DDX4: variants seen among roughly 807,000 people sequenced by gnomAD.
DDX4 encodes DEAD-box helicase 4.
DDX4 carries 25 observed loss-of-function variants against 100.0 expected under a neutral mutation model. The observed-to-expected ratio is 0.25, with a 90% CI of 0.18 to 0.35. The LOEUF is 0.35. Ranked by LOEUF, DDX4 falls within the 10% of genes least tolerant of loss-of-function variation. The probability of loss-of-function intolerance (pLI) is 1.00; values close to 1 mark genes in which losing one functional copy is unlikely to be tolerated. For missense variants in DDX4, 635 were observed against 882.4 expected (o/e 0.72, Z 3.55); for synonymous variants, 259 against 275.7 (o/e 0.94, Z 0.60).
At position 55,817,005 on chromosome 5, in the gene DDX4, A is replaced by T. The variant is rs2112217952; in HGVS notation, c.*465A>T. 1 of 152,954 alleles carries T rather than the reference A, an allele frequency of 6.5e-6. No individual in the cohort carries two copies. Among genetic ancestry groups the T allele is most frequent in the South Asian group, 2.1e-4 (1 of 4,842 alleles). The allele number at this position is 152,954 out of a possible 1,614,324, so 9.5% of individuals were successfully genotyped here. ...TAGAATACTTAAGCCTTTCAAAGTG[A>T]TTTTGATTTTTAGATCATCAGATGT... On this transcript the variant is annotated 3_prime_UTR_variant, in exon 22 of 22. Coordinates refer to ENST00000505374, the MANE Select transcript of DDX4 (RefSeq NM_024415.3).
At chr5:55,792,050 G>T (rs1742598546) in intron 16 of DDX4, among the ~76,000 whole-genome samples, 1 of 148,832 alleles carries the variant, frequency 6.7e-6, no homozygotes, top group Non-Finnish European at 1.5e-5. Context: ...CTTGAACCCA[G>T]GAGGCAGAGG....
chr5:55,778,725 C>T (rs1741718835), intron 7 of DDX4, among the ~76,000 whole-genome samples: 1 of 152,124 alleles, frequency 6.6e-6, no homozygotes, highest in Non-Finnish European at 1.5e-5. Context: ...GAAACCCCGT[C>T]TCTACTGAAA....
At chr5:55,793,459 T>C (rs1742721322) in intron 17 of DDX4, among the ~76,000 whole-genome samples, 1 of 152,216 alleles carries the variant, frequency 6.6e-6, no homozygotes, top group Non-Finnish European at 1.5e-5. Flanking sequence ...TTAAGATATT[T>C]TGGACTTAAA....
chr5:55,780,990 A>AT (rs1741878533), intron 8 of DDX4, 76 bp from the exon 9 acceptor site: 6 of 1,347,104 alleles, frequency 4.5e-6, no homozygotes, highest in Non-Finnish European at 5.1e-6. Context: ...CCATAACTTG[A>AT]TTTTTTTCTG....
intron 17 of DDX4, among the ~76,000 whole-genome samples, chr5:55,794,907 T>C (rs1158780803): frequency 6.6e-6 from 1 of 152,076 alleles, no homozygotes; most frequent in Non-Finnish European, 1.5e-5. Context: ...TACTTATACC[T>C]GTAACTCTCC....
intron 15 of DDX4, among the ~76,000 whole-genome samples, chr5:55,789,622 A>C (rs891209148): frequency 8.5e-5 from 13 of 152,242 alleles, no homozygotes; most frequent in African/African-American, 3.1e-4. Flanking sequence ...GACCCCACTC[A>C]GGAGTGGCTA....
chr5:55,810,914 T>G (rs1008181932), intron 18 of DDX4, among the ~76,000 whole-genome samples: 1 of 152,188 alleles, frequency 6.6e-6, no homozygotes, highest in Non-Finnish European at 1.5e-5. Context: ...ACAAAACATT[T>G]AGAAGTAAAC....
chr5:55,758,352 A>G (rs997759886), intron 3 of DDX4, among the ~76,000 whole-genome samples: 3 of 152,102 alleles, frequency 2.0e-5, no homozygotes, highest in South Asian at 2.1e-4. Context: ...GAGATTTTGT[A>G]TCTATGAGTA....
At chr5:55,764,148 C>T (rs564834508) in intron 6 of DDX4, 84 bp downstream of exon 6, 63 of 1,019,742 alleles carry the variant, frequency 6.2e-5, no homozygotes, top group Middle Eastern at 2.1e-4. Context: ...TCTCTTAGTC[C>T]GGGCCAATTC....
At chr5:55,746,093 GT>G in intron 2 of DDX4, 70 bp from the exon 3 acceptor site, 3 of 1,188,150 alleles carry the variant, frequency 2.5e-6, no homozygotes, top group Non-Finnish European at 3.6e-6. Context: ...TAATTTTCTA[GT>G]ATTTGTGAAA....
chr5:55,759,760 A>T (rs931138876), intron 3 of DDX4, among the ~76,000 whole-genome samples: 3 of 152,210 alleles, frequency 2.0e-5, no homozygotes, highest in African/African-American at 7.2e-5. Context: ...CTGTACTTTC[A>T]GAGTATATGC....
intron 3 of DDX4, among the ~76,000 whole-genome samples, chr5:55,756,172 A>G (rs1759918628): frequency 6.6e-6 from 1 of 152,130 alleles, no homozygotes; most frequent in Admixed American, 6.5e-5. Flanking sequence ...ATGTTTTCCA[A>G]TTCATGTCTT....
chr5:55,815,568 A>G (rs1744350339), intron 21 of DDX4, 145 bp downstream of exon 21: 1 of 1,198,256 alleles, frequency 8.3e-7, no homozygotes, highest in Non-Finnish European at 1.1e-6. Context: ...TTTCATTAAC[A>G]TTTTATGTAT....
intron 18 of DDX4, 131 bp from the exon 19 acceptor site, chr5:55,813,542 C>T: frequency 7.9e-7 from 1 of 1,261,286 alleles, no homozygotes; most frequent in Non-Finnish European, 1.0e-6. Flanking sequence ...ATGTACCAGG[C>T]TTGGCTGTGG....
rs774966145 is a variant in DDX4 at position 55,768,004 on chromosome 5, T to A, written c.394+64T>A. On this transcript the variant is annotated intron_variant, in intron 7 of 21. Coordinates refer to ENST00000505374, the MANE Select transcript of DDX4 (RefSeq NM_024415.3). The stretch of plus-strand genomic sequence containing the variant: ...GAGACACTAAACTGGTAAAACTGAT[T>A]TTGAAGGAGCTGGATGAAAAACACT... 38 of 1,414,956 alleles carry A rather than the reference T, an allele frequency of 2.7e-5. No individual in the cohort carries two copies. The East Asian group carries it at 6.6e-4, about 25-fold the overall frequency. 87.7% of individuals were successfully genotyped at this position (1,414,956 alleles called of 1,614,324 possible).
intron 18 of DDX4, among the ~76,000 whole-genome samples, chr5:55,799,197 A>G (rs1428824927): frequency 2.6e-5 from 4 of 152,034 alleles, no homozygotes; most frequent in Non-Finnish European, 5.9e-5. Context: ...CTTCCCAAGT[A>G]GCTGGGACTA....
At chr5:55,782,486 TAC>T (rs774725767) in intron 10 of DDX4, among the ~76,000 whole-genome samples, 54 of 151,946 alleles carry the variant, frequency 3.6e-4, no homozygotes, top group Non-Finnish European at 5.9e-4. Context: ...TAGTGCCAGC[TAC>T]TCAGGAGGCT....
intron 3 of DDX4, among the ~76,000 whole-genome samples, chr5:55,754,270 TC>T (rs1214520625): frequency 2.7e-5 from 4 of 149,288 alleles, no homozygotes; most frequent in African/African-American, 9.9e-5. Context: ...AGGGAATGCT[TC>T]CAGTTTTTGC....
chr5:55,742,316 G>A (rs763868657), intron 2 of DDX4: 10 of 446,860 alleles, frequency 2.2e-5, no homozygotes, highest in African/African-American at 1.0e-4. Context: ...TTAACTGACC[G>A]TGAATGTAAG....
Sources: allele counts gnomAD v4.1 joint callset (sites outside exome capture counted in the v4.1 genomes callset), GRCh38; gene constraint gnomAD v4.1.1; transcripts MANE v1.5; gene names NCBI Gene and HGNC (gene_info 2026-07-23, HGNC 2026-07-21).